The following HDHD2 variants were observed in gnomAD, a reference collection of about 807,000 sequenced individuals.
HDHD2 encodes haloacid dehalogenase like hydrolase domain containing 2.
A neutral mutation model predicts 24.8 loss-of-function variants in HDHD2; 26 were observed. The ratio of observed to expected loss-of-function variants is 1.05; its 90% confidence interval spans 0.77 to 1.45. The LOEUF (loss-of-function observed/expected upper bound fraction) is 1.45. Among genes scored for constraint, HDHD2 ranks in the 40% most tolerant of loss-of-function variants. The probability of loss-of-function intolerance (pLI) is 0.00; values close to 1 mark genes in which losing one functional copy is unlikely to be tolerated. For synonymous variants in HDHD2, 128 were observed against 114.9 expected (o/e 1.11, Z -0.73); for missense variants, 299 against 313.4 (o/e 0.95, Z 0.35).
intron 6 of HDHD2, among the ~76,000 whole-genome samples, chr18:47,112,317 C>T (rs1338391730): frequency 3.3e-5 from 5 of 151,964 alleles, no homozygotes; most frequent in African/African-American, 7.3e-5. Context: ...AGCCTTGACC[C>T]GAGTCTCACA....
chr18:47,116,342 T>C (rs1226752314), intron 4 of HDHD2, among the ~76,000 whole-genome samples: 1 of 152,240 alleles, frequency 6.6e-6, no homozygotes, highest in African/African-American at 2.4e-5. Context: ...TTAAAATATT[T>C]AGTATGTCCA....
At chr18:47,139,324 G>A (rs1694882386) in intron 1 of HDHD2, among the ~76,000 whole-genome samples, 1 of 151,626 alleles carries the variant, frequency 6.6e-6, no homozygotes, top group African/African-American at 2.4e-5. Context: ...AAATTAGCTG[G>A]GCGTGGTGGC....
chr18:47,124,879 C>T (rs1181165713), intron 4 of HDHD2, among the ~76,000 whole-genome samples: 1 of 151,872 alleles, frequency 6.6e-6, no homozygotes, highest in Non-Finnish European at 1.5e-5. Flanking sequence ...CAAATTGAAA[C>T]TGAGGCTGGA....
chr18:47,108,929 T>C (rs367981369), intron 6 of HDHD2, 144 bp from the exon 7 acceptor site: 30 of 592,764 alleles, frequency 5.1e-5, no homozygotes, highest in South Asian at 4.4e-4. Context: ...TCACCTTTTA[T>C]TGAGGCTTCA....
At chr18:47,136,989 T>A in intron 1 of HDHD2, 1 of 594,780 alleles carries the variant, frequency 1.7e-6, no homozygotes, top group South Asian at 1.7e-5. Context: ...TTTTGTGAAG[T>A]GGCAGCTGAG....
intron 1 of HDHD2, among the ~76,000 whole-genome samples, chr18:47,143,581 T>G (rs1406621314): frequency 1.3e-5 from 2 of 152,218 alleles, no homozygotes; most frequent in Non-Finnish European, 2.9e-5. Context: ...TAAGAAATGT[T>G]TATTTCAAAT....
At chr18:47,131,603 A>G (rs2063714153) in intron 3 of HDHD2, among the ~76,000 whole-genome samples, 1 of 152,230 alleles carries the variant, frequency 6.6e-6, no homozygotes, top group Admixed American at 6.5e-5. Context: ...AAAAGAAAAA[A>G]GGAGTTCGTA....
intron 6 of HDHD2, among the ~76,000 whole-genome samples, chr18:47,112,635 CA>C (rs531180495): frequency 9.7e-4 from 147 of 152,278 alleles, no homozygotes; most frequent in African/African-American, 3.4e-3. Context: ...ATAGCCAGCA[CA>C]AAAATAAAAG....
intron 1 of HDHD2, among the ~76,000 whole-genome samples, chr18:47,142,476 C>T (rs540199314): frequency 9.2e-5 from 14 of 152,194 alleles, no homozygotes; most frequent in South Asian, 4.1e-4. Context: ...CTAAAACCAG[C>T]AAGCTAAACA....
intron 4 of HDHD2, among the ~76,000 whole-genome samples, chr18:47,118,750 C>T (rs1213813393): frequency 6.6e-6 from 1 of 152,168 alleles, no homozygotes; most frequent in Non-Finnish European, 1.5e-5. Context: ...TTTAGAGCCA[C>T]AGAATATTAC....
chr18:47,141,772 A>C (rs2063821911), intron 1 of HDHD2, among the ~76,000 whole-genome samples: 2 of 152,146 alleles, frequency 1.3e-5, no homozygotes, highest in South Asian at 4.1e-4. Context: ...CTCCAGACTC[A>C]TCTTGTCTTT....
intron 1 of HDHD2, among the ~76,000 whole-genome samples, chr18:47,143,069 T>C (rs1282239190): frequency 6.6e-6 from 1 of 152,198 alleles, no homozygotes; most frequent in African/African-American, 2.4e-5. Context: ...ATGTTATTAA[T>C]AATGTATAAA....
intron 1 of HDHD2, among the ~76,000 whole-genome samples, chr18:47,147,794 C>G (rs569309202): frequency 6.6e-6 from 1 of 152,240 alleles, no homozygotes; most frequent in African/African-American, 2.4e-5. Context: ...TCACCAGTTC[C>G]ATAGAACGTA....
Position 47,115,198 on chromosome 18 carries a change from C to T in HDHD2, c.546G>A (p.Lys182=). 1 of 1,613,990 alleles carries T rather than the reference C, an allele frequency of 6.2e-7. No homozygotes were observed. Among genetic ancestry groups the T allele is most frequent in the Non-Finnish European group, 8.5e-7 (1 of 1,179,934 alleles). Reference sequence around the variant, plus strand: ...CCCGCAATGCTTCCAAAAAGAACGTCTTCTCTGGTTTCCCCACGACTGTGG... The same window carrying T: ...CCCGCAATGCTTCCAAAAAGAACGTTTTCTCTGGTTTCCCCACGACTGTGG... The part of the protein sequence containing the change: ...TKATVVGKPE[K]TFFLEALRGT... Residue 182 remains lysine, a synonymous_variant, in exon 5 of 7, where the codon AAG becomes AAA. Coordinates refer to ENST00000300605, the MANE Select transcript of HDHD2 (RefSeq NM_032124.5).
intron 2 of HDHD2, among the ~76,000 whole-genome samples, chr18:47,135,250 GATTTT>G (rs2063753532): frequency 6.7e-6 from 1 of 148,152 alleles, no homozygotes; most frequent in Non-Finnish European, 1.5e-5. Context: ...TGAGTCACTA[GATTTT>G]TTCTTTTTTT....
At chr18:47,141,010 T>G (rs1236128828) in intron 1 of HDHD2, among the ~76,000 whole-genome samples, 1 of 152,204 alleles carries the variant, frequency 6.6e-6, no homozygotes, top group African/African-American at 2.4e-5. Flanking sequence ...AACTCCATAA[T>G]TGAATAGAAG....
chr18:47,128,865 G>A (rs979121597), intron 4 of HDHD2, among the ~76,000 whole-genome samples: 6 of 152,310 alleles, frequency 3.9e-5, no homozygotes, highest in Non-Finnish European at 8.8e-5. Flanking sequence ...CCAAATGTGT[G>A]AACCTGGGTA....
intron 6 of HDHD2, 44 bp from the exon 7 acceptor site, chr18:47,108,829 T>C (rs1568040069): frequency 8.2e-7 from 1 of 1,225,342 alleles, no homozygotes; most frequent in East Asian, 2.3e-5. Flanking sequence ...GCCACCAGAA[T>C]GCTAAATTAA....
chr18:47,130,012 G>A (rs960902930), intron 4 of HDHD2, among the ~76,000 whole-genome samples: 1 of 152,120 alleles, frequency 6.6e-6, no homozygotes, highest in African/African-American at 2.4e-5. Flanking sequence ...CAGCCTGGGC[G>A]ACAGAGTGAG....
Sources: allele counts gnomAD v4.1 joint callset (sites outside exome capture counted in the v4.1 genomes callset), GRCh38; gene constraint gnomAD v4.1.1; transcripts MANE v1.5; gene names NCBI Gene and HGNC (gene_info 2026-07-23, HGNC 2026-07-21).